NACC1: variants seen among roughly 807,000 people sequenced by gnomAD.
NACC1 encodes the protein nucleus accumbens-associated protein 1.
A neutral mutation model predicts 41.7 loss-of-function variants in NACC1; 6 were observed. The ratio of observed to expected loss-of-function variants is 0.14; its 90% CI spans 0.08 to 0.28. NACC1 has a LOEUF of 0.28. Ranked by LOEUF, NACC1 falls within the 10% of genes least tolerant of loss-of-function variation. The probability of loss-of-function intolerance (pLI) is 1.00; values close to 1 mark genes in which losing one functional copy is unlikely to be tolerated. For synonymous variants in NACC1, 338 were observed against 330.6 expected, an observed-to-expected ratio of 1.02 and a Z score of -0.24; for missense variants, 434 against 763.7, an observed-to-expected ratio of 0.57 and a Z score of 5.09.
rs1599999908 is a variant in NACC1 at position 13,136,460 on chromosome 19, C to A, written c.1120+55C>A. 6.5e-7 allele frequency: 1 copy of A among 1,537,378 alleles called. No individual in the cohort carries two copies. Among genetic ancestry groups the A allele is most frequent in the East Asian group, 2.3e-5 (1 of 43,742 alleles). ...CTCCGCAGCTTTGGAGCCGGCTGGC[C>A]TGGGCTGGGCTGGGCAGCTGGTTAG... On this transcript the variant is annotated intron_variant, in intron 3 of 5. Coordinates refer to ENST00000292431, the MANE Select transcript of NACC1 (RefSeq NM_052876.4). This position sits in a 1 kb window ranked among gnomAD's most constrained non-coding sequence, Gnocchi z 5.5.
At chr19:13,129,265 A>G (rs150923455) in intron 1 of NACC1, among the ~76,000 whole-genome samples, 192 of 152,198 alleles carry the variant, frequency 1.3e-3, no homozygotes, top group Non-Finnish European at 2.4e-3. Context: ...AGAGACCTCA[A>G]TCCTCGACTC....
At chr19:13,127,019 G>C (rs1599987826) in intron 1 of NACC1, among the ~76,000 whole-genome samples, 1 of 152,154 alleles carries the variant, frequency 6.6e-6, no homozygotes, top group East Asian at 1.9e-4. Context: ...AGGACCACTT[G>C]AGCCCAGGAG....
chr19:13,121,083 GGT>G (rs538725998), intron 1 of NACC1, among the ~76,000 whole-genome samples: 119 of 152,338 alleles, frequency 7.8e-4, no homozygotes, highest in African/African-American at 2.7e-3. Flanking sequence ...TTACAAAGAT[GGT>G]GTAGCAAAGT....
chr19:13,138,623 T>C lies in NACC1; in HGVS notation c.*217T>C. The C allele has an allele frequency of 1.6e-6, 1 of 639,968 alleles. No individual in the cohort carries two copies. Among genetic ancestry groups the C allele is most frequent in the Non-Finnish European group, 2.7e-6 (1 of 375,960 alleles). 39.6% of individuals were successfully genotyped at this position (639,968 alleles called of 1,614,324 possible). On this transcript the variant is annotated 3_prime_UTR_variant, in exon 6 of 6. Coordinates refer to ENST00000292431, the MANE Select transcript of NACC1 (RefSeq NM_052876.4). The surrounding 1 kb of genome is among the most constrained non-coding windows in gnomAD (Gnocchi z 5.7). ...GTGGCGTGAGGTCCGTGTTGCCTTC[T>C]TTAACACACACTCGTGCAGTGGGGG...
At chr19:13,128,856 G>T (rs534574373) in intron 1 of NACC1, among the ~76,000 whole-genome samples, 2 of 152,338 alleles carry the variant, frequency 1.3e-5, no homozygotes, top group Admixed American at 6.5e-5. Context: ...CAGAAGATCT[G>T]CTCAGGCCCA....
At chr19:13,119,455 A>G (rs996365183) in intron 1 of NACC1, among the ~76,000 whole-genome samples, 2 of 151,984 alleles carry the variant, frequency 1.3e-5, no homozygotes, top group East Asian at 3.9e-4. Flanking sequence ...CACCTTATAT[A>G]TCTACAGGGA....
In NACC1 at chr19:13,139,442, G is replaced by C. The variant is rs1354168218; in HGVS notation, c.*1036G>C. ...ATTGTCCCCCTCGGTCCCCAGGGGT[G>C]GGGGGCCTTGGAAGGCAGGGCGGTG... On this transcript the variant is annotated 3_prime_UTR_variant, in exon 6 of 6. Transcript: ENST00000292431. The C allele has an allele frequency of 6.6e-6, 1 of 152,448 alleles. No individual in the cohort carries two copies. Among genetic ancestry groups the C allele is most frequent in the African/African-American group, 2.4e-5 (1 of 41,406 alleles). 9.4% of individuals were successfully genotyped at this position (152,448 alleles called of 1,614,324 possible). A position where few individuals can be genotyped will look rare whatever the true frequency, so the allele number is the denominator to read the frequency against.
chr19:13,133,356 A>C (rs1252347404), intron 1 of NACC1, among the ~76,000 whole-genome samples: 1 of 143,856 alleles, frequency 7.0e-6, no homozygotes, highest in African/African-American at 2.5e-5. Flanking sequence ...ACTCCATCTC[A>C]AAAAAAAAAA....
At position 13,135,267 on chromosome 19, in the gene NACC1, C is replaced by G; in HGVS notation, c.60C>G (p.Leu20=). 6.2e-7 allele frequency: 1 copy of G among 1,613,766 alleles called. No homozygotes were observed. The part of the protein sequence containing the change: ...PNFGNSILEC[L]NEQRLQGLYC... ...TCGGCAACAGCATCCTGGAGTGCCT[C>G]AATGAACAGCGGCTGCAGGGCCTGT... is the stretch of plus-strand genomic sequence containing the variant. Residue 20 remains leucine, a synonymous_variant, in exon 2 of 6, where the codon CTC becomes CTG. Transcript: ENST00000292431.
chr19:13,138,554 C>A lies in NACC1; in HGVS notation c.*148C>A, dbSNP rs1490292913. The A allele has an allele frequency of 1.2e-5, 15 of 1,224,956 alleles. No homozygotes were observed. The East Asian group carries it at 1.5e-4, about 13-fold the overall frequency. The allele number at this position is 1,224,956 out of a possible 1,614,324, so 75.9% of individuals were successfully genotyped here. A position where few individuals can be genotyped will look rare whatever the true frequency, so the allele number is the denominator to read the frequency against. On this transcript the variant is annotated 3_prime_UTR_variant, in exon 6 of 6. Transcript: ENST00000292431. The surrounding 1 kb of genome is among the most constrained non-coding windows in gnomAD (Gnocchi z 5.7). ...GCCCTCTGCCCCTCCTGTCCTACCC[C>A]CTTTCCCCACCGAGAGCTGGGCCGG...
chr19:13,121,880 C>T (rs2019499070), intron 1 of NACC1, among the ~76,000 whole-genome samples: 1 of 152,216 alleles, frequency 6.6e-6, no homozygotes. Flanking sequence ...CATCATTTGA[C>T]ACACAAGGCA....
chr19:13,124,134 C>T (rs2019533590), intron 1 of NACC1, among the ~76,000 whole-genome samples: 1 of 152,166 alleles, frequency 6.6e-6, no homozygotes, highest in South Asian at 2.1e-4. Context: ...TGCAGTGGCT[C>T]ACGCCTGTAA....
intron 1 of NACC1, among the ~76,000 whole-genome samples, chr19:13,125,669 C>G (rs2019553063): frequency 4.6e-5 from 7 of 152,150 alleles, no homozygotes; most frequent in Admixed American, 3.9e-4. Context: ...ATCCGCCTGT[C>G]TCTGCCTCCC....
intron 1 of NACC1, among the ~76,000 whole-genome samples, chr19:13,132,992 C>T (rs1040695564): frequency 2.0e-5 from 3 of 152,158 alleles, no homozygotes; most frequent in Admixed American, 6.6e-5. Context: ...CCCTTTCAGA[C>T]GGAACGGGTG....
intron 1 of NACC1, among the ~76,000 whole-genome samples, chr19:13,123,006 G>A (rs79105431): frequency 1.3e-4 from 20 of 152,248 alleles, no homozygotes; most frequent in Admixed American, 4.6e-4. Context: ...GATATGGGGG[G>A]TGAGCAGTAT....
In NACC1 at chr19:13,137,999, G is replaced by C. The variant is rs1467478227; in HGVS notation, c.1325-148G>C. 4.6e-6 allele frequency: 5 copies of C among 1,093,672 alleles called. No homozygotes were observed. Among genetic ancestry groups the C allele is most frequent in the Non-Finnish European group, 6.6e-6 (5 of 757,124 alleles). The allele number at this position is 1,093,672 out of a possible 1,614,324, so 67.7% of individuals were successfully genotyped here. A position where few individuals can be genotyped will look rare whatever the true frequency, so the allele number is the denominator to read the frequency against. On this transcript the variant is annotated intron_variant, in intron 5 of 5. Coordinates refer to ENST00000292431, the MANE Select transcript of NACC1 (RefSeq NM_052876.4). The surrounding 1 kb of genome is among the most constrained non-coding windows in gnomAD (Gnocchi z 6.1). The stretch of plus-strand genomic sequence containing the variant: ...GCTGAACTCAGTCCGGTGTAGGGTT[G>C]GGTGCACGTAGTGTGGTGTCCTGGC...
Position 13,137,677 on chromosome 19 carries a change from A to C in NACC1, c.1324+102A>C. 1.0e-6 allele frequency: 1 copy of C among 960,774 alleles called. No homozygotes were observed. Among genetic ancestry groups the C allele is most frequent in the South Asian group, 1.6e-5 (1 of 63,596 alleles). The allele number at this position is 960,774 out of a possible 1,614,324, so 59.5% of individuals were successfully genotyped here. A position where few individuals can be genotyped will look rare whatever the true frequency, so the allele number is the denominator to read the frequency against. On this transcript the variant is annotated intron_variant, in intron 5 of 5. Transcript: ENST00000292431. The surrounding 1 kb of genome is among the most constrained non-coding windows in gnomAD (Gnocchi z 6.1). ...GAGAGGGCTAGAGTTCAGTGTTGAG[A>C]AGCATTCTGGGGCTCATTCTAGCCT...
chr19:13,136,316 C>A lies in NACC1; in HGVS notation c.1031C>A (p.Pro344Gln). 1 of 1,614,092 alleles carries A rather than the reference C, an allele frequency of 6.2e-7. No homozygotes were observed. Among genetic ancestry groups the A allele is most frequent in the Non-Finnish European group, 8.5e-7 (1 of 1,180,016 alleles). Residue 344 changes from proline (P) to glutamine (Q), a missense_variant, in exon 3 of 6, where the codon CCG becomes CAG. This residue lies in a region of NACC1 where 234 missense variants were observed against 308.3 expected (regional missense o/e 0.76). Coordinates refer to ENST00000292431, the MANE Select transcript of NACC1 (RefSeq NM_052876.4). This position sits in a 1 kb window ranked among gnomAD's most constrained non-coding sequence, Gnocchi z 5.5. ...IRVRQDLASL[P>Q]AELINQIGNR... ...GTTCGGCAAGACCTGGCGTCTCTCCCGGCTGAACTTATCAACCAGATTGGG... is the reference window on the plus strand; with the variant it reads ...GTTCGGCAAGACCTGGCGTCTCTCCAGGCTGAACTTATCAACCAGATTGGG...
Position 13,137,435 on chromosome 19 carries a change from C to T in NACC1, c.1227-43C>T. ...TGGGGTTTCCCCATGTCCCCCCCACCACCAACTTGAGCGCTGACTCCCTCC... is the reference window on the plus strand; with the variant it reads ...TGGGGTTTCCCCATGTCCCCCCCACTACCAACTTGAGCGCTGACTCCCTCC... On this transcript the variant is annotated intron_variant, in intron 4 of 5. Transcript: ENST00000292431. The surrounding 1 kb of genome is among the most constrained non-coding windows in gnomAD (Gnocchi z 6.1). 2 of 1,611,630 alleles carry T rather than the reference C, an allele frequency of 1.2e-6. No homozygotes were observed. The highest frequency in any genetic ancestry group is 1.7e-6 in the Non-Finnish European group (2 of 1,178,676).
Sources: gnomAD v4.1 joint callset for allele counts (sites outside exome capture counted in the v4.1 genomes callset) on GRCh38, gnomAD v4.1.1 for gene constraint, gnomAD v4.1.1 regional missense constraint, Gnocchi (gnomAD v3.1) non-coding constraint, MANE v1.5 for transcripts, NCBI Gene and HGNC (gene_info 2026-07-23, HGNC 2026-07-21) for gene names.